Variants in FAM118B observed in about 807,000 individuals in gnomAD.
FAM118B encodes the protein SIR2 antiphage like 1.
In FAM118B, 24 loss-of-function variants were observed where a neutral mutation model predicts 38.5. The observed-to-expected ratio is 0.62, with a 90% CI of 0.45 to 0.88. FAM118B has a LOEUF of 0.88. FAM118B is among the 40% of genes least tolerant of loss of function. FAM118B has a pLI of 0.00. For synonymous variants in FAM118B, 138 were observed against 156.3 expected, an observed-to-expected ratio of 0.88 and a Z score of 0.87; for missense variants, 334 against 420.0, an observed-to-expected ratio of 0.80 and a Z score of 1.79.
intron 1 of FAM118B, among the ~76,000 whole-genome samples, chr11:126,214,034 A>G (rs1949929819): frequency 6.6e-6 from 1 of 152,222 alleles, no homozygotes; most frequent in South Asian, 2.1e-4. Context: ...GGTGATTTAA[A>G]GTAGAGTTGT....
intron 1 of FAM118B, chr11:126,214,489 T>TG (rs1949942401): frequency 1.1e-5 from 1 of 93,600 alleles, no homozygotes; most frequent in Non-Finnish European, 2.2e-5. Context: ...CTTTTGTTTC[T>TG]GTTTTTTTTT....
At chr11:126,262,041 G>T in intron 8 of FAM118B, 79 bp from the exon 9 acceptor site, 2 of 1,414,574 alleles carry the variant, frequency 1.4e-6, no homozygotes, top group South Asian at 1.2e-5. Context: ...GGTTAGGATT[G>T]ACTTAAGTAT....
At chr11:126,248,815 G>A (rs1356870706) in intron 4 of FAM118B, among the ~76,000 whole-genome samples, 1 of 152,214 alleles carries the variant, frequency 6.6e-6, no homozygotes, top group Non-Finnish European at 1.5e-5. Context: ...TTGGGGTTAA[G>A]TTTCCAACAC....
At chr11:126,254,582 C>A in intron 6 of FAM118B, 149 bp downstream of exon 6, 1 of 1,107,776 alleles carries the variant, frequency 9.0e-7, no homozygotes, top group Non-Finnish European at 1.3e-6. Context: ...CCTATAATCC[C>A]AACACTTTGG....
chr11:126,216,826 G>T (rs1412408681), intron 1 of FAM118B, among the ~76,000 whole-genome samples: 1 of 152,234 alleles, frequency 6.6e-6, no homozygotes, highest in Non-Finnish European at 1.5e-5. Context: ...ATCATTTATT[G>T]TTGTGCATTT....
At chr11:126,254,795 C>T (rs1424457162) in intron 6 of FAM118B, among the ~76,000 whole-genome samples, 1 of 152,146 alleles carries the variant, frequency 6.6e-6, no homozygotes, top group Non-Finnish European at 1.5e-5. Flanking sequence ...CCACTGCACT[C>T]CAGCTTGGGT....
chr11:126,249,572 A>T (rs1046746036), intron 4 of FAM118B, among the ~76,000 whole-genome samples: 2 of 151,942 alleles, frequency 1.3e-5, no homozygotes, highest in African/African-American at 4.8e-5. Context: ...CTCTACTAAA[A>T]ATACAAAAAT....
intron 2 of FAM118B, among the ~76,000 whole-genome samples, chr11:126,231,082 T>C (rs1950201206): frequency 6.6e-6 from 1 of 152,226 alleles, no homozygotes; most frequent in Non-Finnish European, 1.5e-5. Flanking sequence ...CTGTCTCATA[T>C]GAAGACTTCA....
intron 1 of FAM118B, among the ~76,000 whole-genome samples, chr11:126,223,134 C>T (rs1175211016): frequency 6.6e-6 from 1 of 151,896 alleles, no homozygotes; most frequent in African/African-American, 2.4e-5. Flanking sequence ...TGAAAGAGGC[C>T]TGTGCGCCTC....
In FAM118B at chr11:126,219,349, C is replaced by CTTTTTTTTTTTTTTTTTTTTTT. The variant is rs549922825; in HGVS notation, c.-77+7538_-77+7559dup. Among the ~76,000 whole-genome samples the CTTTTTTTTTTTTTTTTTTTTTT allele has an allele frequency of 3.1e-4, 14 of 44,466 alleles. 1 individual carries two copies. The highest frequency in any genetic ancestry group is 4.3e-4 in the Non-Finnish European group (11 of 25,872). 29.2% of individuals were successfully genotyped at this position (44,466 alleles called of 152,430 possible). A position where few individuals can be genotyped will look rare whatever the true frequency, so the allele number is the denominator to read the frequency against. On this transcript the variant is annotated intron_variant, in intron 1 of 8. Transcript: ENST00000533050. ...AGCTTATCCTTCAGCTCTTGTTTATCTTTTTTTTTTTTTTTTTTTTTTTTT... is the reference window on the plus strand; with the variant it reads ...AGCTTATCCTTCAGCTCTTGTTTATCTTTTTTTTTTTTTTTTTTTTTTTTTTTTTTTTTTTTTTTTTTTTTTT...
chr11:126,224,004 T>C (rs1276627375), intron 1 of FAM118B, among the ~76,000 whole-genome samples: 13 of 152,252 alleles, frequency 8.5e-5, no homozygotes. Flanking sequence ...ATGGTCCTTA[T>C]TAAAAGCAGT....
At position 126,240,977 on chromosome 11, in the gene FAM118B, A is replaced by G; in HGVS notation, c.272A>G (p.Gln91Arg). The G allele has an allele frequency of 6.2e-7, 1 of 1,614,116 alleles. No homozygotes were observed. Among genetic ancestry groups the G allele is most frequent in the Admixed American group, 1.7e-5 (1 of 60,008 alleles). ...LLEDEESKKF[Q>R]KCLHEDKNLV... ...GAAGATGAGGAGAGCAAAAAGTTTCAGAAATGTCTCCATGAAGACAAGAAC... is the reference window on the plus strand; with the variant it reads ...GAAGATGAGGAGAGCAAAAAGTTTCGGAAATGTCTCCATGAAGACAAGAAC... Residue 91 changes from glutamine (Q) to arginine (R), a missense_variant, in exon 4 of 9, where the codon CAG becomes CGG. Gln to Arg is a conservative substitution (Grantham distance 43, BLOSUM62 1). This residue lies in a region of FAM118B where 240 missense variants were observed against 295.9 expected (regional missense o/e 0.81). Coordinates refer to ENST00000533050, the MANE Select transcript of FAM118B (RefSeq NM_024556.4).
Position 126,253,696 on chromosome 11 carries a change from C to T in FAM118B, c.568-609C>T, listed in dbSNP as rs1002462892. 1.2e-4 allele frequency among the ~76,000 whole-genome samples: 18 copies of T among 152,154 alleles called. No homozygotes were observed. Among genetic ancestry groups the T allele is most frequent in the African/African-American group, 3.9e-4 (16 of 41,426 alleles). On this transcript the variant is annotated intron_variant, in intron 5 of 8. Coordinates refer to ENST00000533050, the MANE Select transcript of FAM118B (RefSeq NM_024556.4). The surrounding 1 kb of genome is among the most constrained non-coding windows in gnomAD (Gnocchi z 5.1). ...CACATACCTGCAGACATCTGATGGC[C>T]GCACCAGGGCTGAGTGATATAAGGG...
chr11:126,214,497 T>TTG, intron 1 of FAM118B: 1 of 75,962 alleles, frequency 1.3e-5, no homozygotes, highest in Non-Finnish European at 2.7e-5. Flanking sequence ...TCTGTTTTTT[T>TTG]TTTTTGTTTT....
At position 126,262,277 on chromosome 11, in the gene FAM118B, G is replaced by A. The variant is rs1332821226; in HGVS notation, c.*144G>A. The A allele has an allele frequency of 2.5e-6, 2 of 805,776 alleles. No homozygotes were observed. The highest frequency in any genetic ancestry group is 2.7e-5 in the East Asian group (1 of 36,862). 49.9% of individuals were successfully genotyped at this position (805,776 alleles called of 1,614,324 possible). A position where few individuals can be genotyped will look rare whatever the true frequency, so the allele number is the denominator to read the frequency against. ...GTTGAAGGGCGGGGTAGAAGAGGGG[G>A]GAATGTTGCAGCGTAATCCTTCATA... is the stretch of plus-strand genomic sequence containing the variant. On this transcript the variant is annotated 3_prime_UTR_variant, in exon 9 of 9. Coordinates refer to ENST00000533050, the MANE Select transcript of FAM118B (RefSeq NM_024556.4).
rs145870082 is a variant in FAM118B at position 126,256,816 on chromosome 11, C to A, written c.946C>A (p.Arg316=). The change falls in exon 7 of 9, where the codon CGA becomes AGA. Residue 316 remains arginine (R), a synonymous_variant. Coordinates refer to ENST00000533050, the MANE Select transcript of FAM118B (RefSeq NM_024556.4). The surrounding 1 kb of genome is among the most constrained non-coding windows in gnomAD (Gnocchi z 6.6). ...DYADLPEYFK[R]LTCEISTRGT... ...TGCCGATCTTCCAGAATATTTCAAGCGACTGACATGTGAGATCTCCACAAG... is the reference window on the plus strand; with the variant it reads ...TGCCGATCTTCCAGAATATTTCAAGAGACTGACATGTGAGATCTCCACAAG... 3 of 1,612,002 alleles carry A rather than the reference C, an allele frequency of 1.9e-6. No individual in the cohort carries two copies. Among genetic ancestry groups the A allele is most frequent in the Non-Finnish European group, 2.5e-6 (3 of 1,179,104 alleles).
intron 1 of FAM118B, among the ~76,000 whole-genome samples, chr11:126,212,600 A>C (rs1469626144): frequency 6.6e-6 from 1 of 152,242 alleles, no homozygotes. Context: ...GCTTATGCTG[A>C]GTTCAGAAAG....
At chr11:126,221,672 T>G (rs1950064676) in intron 1 of FAM118B, among the ~76,000 whole-genome samples, 1 of 148,220 alleles carries the variant, frequency 6.7e-6, no homozygotes, top group African/African-American at 2.5e-5. Flanking sequence ...TATCTAGGGG[T>G]GAATGGGGTG....
At chr11:126,249,835 AGT>A (rs1336156737) in intron 4 of FAM118B, among the ~76,000 whole-genome samples, 17 of 152,054 alleles carry the variant, frequency 1.1e-4, no homozygotes, top group African/African-American at 4.1e-4. Context: ...ATGAACGGAA[AGT>A]GTTGCCTTCT....
Sources: allele counts gnomAD v4.1 joint callset (sites outside exome capture counted in the v4.1 genomes callset), GRCh38; gene constraint gnomAD v4.1.1; regional missense constraint gnomAD v4.1.1; non-coding constraint Gnocchi (gnomAD v3.1); transcripts MANE v1.5; gene names NCBI Gene and HGNC (gene_info 2026-07-23, HGNC 2026-07-21).